Variants in PIRT observed in about 807,000 individuals in gnomAD.
PIRT encodes phosphoinositide interacting regulator of transient receptor potential channels.
Under a neutral mutation model 7.9 loss-of-function variants are expected in PIRT, and 6 were observed. The observed-to-expected ratio is 0.76, with a 90% CI of 0.42 to 1.51. The LOEUF (loss-of-function observed/expected upper bound fraction) is 1.51, where lower values mean the gene tolerates loss of function less well. PIRT is among the 40% of genes most tolerant of loss of function. The pLI, the probability that PIRT is intolerant of heterozygous loss-of-function variation, is 0.01. For synonymous variants in PIRT, 78 were observed against 71.8 expected (o/e 1.09, Z -0.44); for missense variants, 170 against 172.9 (o/e 0.98, Z 0.09).
chr17:10,829,362 T>G (rs1035664785), intron 1 of PIRT, among the ~76,000 whole-genome samples: 1 of 152,108 alleles, frequency 6.6e-6, no homozygotes, highest in Non-Finnish European at 1.5e-5. Flanking sequence ...GAACAGGAAG[T>G]GTTGAACTGG....
In PIRT at chr17:10,826,838, G is replaced by A. The variant is rs1015709560; in HGVS notation, c.-138-1055C>T. Among the ~76,000 whole-genome samples, 6 of 151,622 alleles carry A rather than the reference G, an allele frequency of 4.0e-5. No homozygotes were observed. In the East Asian group the frequency reaches 1.2e-3, roughly 30 times the overall value. On this transcript the variant is annotated intron_variant, in intron 1 of 1. Transcript: ENST00000580256. ...ACCTTCTTTTTTTTTTTGAGATGGA[G>A]TTTCACTCTTGTTGCCCAGGCAGGA...
At chr17:10,834,422 A>G (rs1905534888) in intron 1 of PIRT, among the ~76,000 whole-genome samples, 1 of 152,172 alleles carries the variant, frequency 6.6e-6, no homozygotes, top group African/African-American at 2.4e-5. Flanking sequence ...CTAAGAACTA[A>G]TTAAGGTGGC....
At chr17:10,825,842 G>T (rs1350632287) in intron 1 of PIRT, 59 bp from the exon 2 acceptor site, 2 of 452,944 alleles carry the variant, frequency 4.4e-6, no homozygotes, top group African/African-American at 4.1e-5. Context: ...ACCCAAGCTG[G>T]TATAATTTTT....
intron 1 of PIRT, among the ~76,000 whole-genome samples, chr17:10,833,753 CA>C (rs549183822): frequency 7.0e-4 from 96 of 137,424 alleles, no homozygotes; most frequent in Admixed American, 5.9e-4. Context: ...GATTCCATCT[CA>C]AAAAAAAAAA....
chr17:10,831,181 G>A (rs1046550605), intron 1 of PIRT, among the ~76,000 whole-genome samples: 32 of 152,172 alleles, frequency 2.1e-4, no homozygotes, highest in African/African-American at 2.4e-5. Context: ...CGGGGACAAG[G>A]TAACACTCAG....
At position 10,824,149 on chromosome 17, in the gene PIRT, T is replaced by C. The variant is rs1262855166; in HGVS notation, c.*1083A>G. On this transcript the variant is annotated 3_prime_UTR_variant, in exon 2 of 2. Coordinates refer to ENST00000580256, the MANE Select transcript of PIRT (RefSeq NM_001101387.2). ...TCGCCAGTTGGCTTGGCTGCCTCTC[T>C]CACCTCGGGAAGCAAGAAGACATCA... 6.6e-6 allele frequency: 1 copy of C among 152,270 alleles called. No individual in the cohort carries two copies. The highest frequency in any genetic ancestry group is 2.4e-5 in the African/African-American group (1 of 41,466). The allele number at this position is 152,270 out of a possible 1,614,324, so 9.4% of individuals were successfully genotyped here.
intron 1 of PIRT, among the ~76,000 whole-genome samples, chr17:10,834,487 A>G (rs191117504): frequency 2.0e-3 from 309 of 152,302 alleles, no homozygotes; most frequent in Non-Finnish European, 3.6e-3. Context: ...AATATACACG[A>G]GGAAATTTCC....
chr17:10,836,427 A>G (rs1344328779), intron 1 of PIRT, among the ~76,000 whole-genome samples: 1 of 152,206 alleles, frequency 6.6e-6, no homozygotes, highest in Admixed American at 6.5e-5. Context: ...CAAGGTGTCC[A>G]GTTACAGTTC....
At chr17:10,833,069 A>T (rs1008823694) in intron 1 of PIRT, among the ~76,000 whole-genome samples, 1 of 152,224 alleles carries the variant, frequency 6.6e-6, no homozygotes, top group Non-Finnish European at 1.5e-5. Flanking sequence ...GGTGGAAAAA[A>T]CACAGAGGAC....
Position 10,825,234 on chromosome 17 carries a change from A to G in PIRT, c.412T>C (p.Ter138ArgextTer64), listed in dbSNP as rs1358293217. The stretch of plus-strand genomic sequence containing the variant: ...GCAGGGAGATGCGGAAACCACCATC[A>G]GCGAGTCAGGAAGAAGGACTTGAGG... ...RSLKSFFLTR[*>R] Residue 138 changes from the stop codon to arginine, a stop_lost, in exon 2 of 2, where the codon TGA becomes CGA. Transcript: ENST00000580256. 1.2e-6 allele frequency: 2 copies of G among 1,613,132 alleles called. No homozygotes were observed. The highest frequency in any genetic ancestry group is 1.7e-6 in the Non-Finnish European group (2 of 1,179,314).
At chr17:10,831,532 G>A (rs557559953) in intron 1 of PIRT, among the ~76,000 whole-genome samples, 1 of 152,238 alleles carries the variant, frequency 6.6e-6, no homozygotes. Context: ...ACAAACCAAG[G>A]CATGCCAAGG....
In PIRT at chr17:10,825,540, T is replaced by C. The variant is rs1488938312; in HGVS notation, c.106A>G (p.Arg36Gly). ...QTASSLCISS[R>G]SESVWTTTPR... ...GTGGTGGTCCAGACAGACTCGCTCC[T>C]GGAGCTGATGCACAGGGAGCTGGCG... Residue 36 changes from arginine (R) to glycine (G), a missense_variant, in exon 2 of 2, where the codon AGG becomes GGG. Arg to Gly is a moderately radical substitution (Grantham distance 125). Transcript: ENST00000580256. The C allele has an allele frequency of 6.2e-7, 1 of 1,610,522 alleles. No individual in the cohort carries two copies. Among genetic ancestry groups the C allele is most frequent in the Admixed American group, 1.7e-5 (1 of 59,516 alleles).
At position 10,829,079 on chromosome 17, in the gene PIRT, A is replaced by C. The variant is rs1905403253; in HGVS notation, c.-138-3296T>G. Among the ~76,000 whole-genome samples the C allele has an allele frequency of 2.0e-5, 3 of 152,236 alleles. No individual in the cohort carries two copies. The South Asian group carries it at 6.2e-4, about 32-fold the overall frequency. On this transcript the variant is annotated intron_variant, in intron 1 of 1. Transcript: ENST00000580256. ...GGCTTGGGGGTAGGGATGGGTTCAT[A>C]AAGCTGTTAGGAGACCTTGTGCTGC...
chr17:10,827,845 A>G (rs1905370721), intron 1 of PIRT, among the ~76,000 whole-genome samples: 1 of 152,136 alleles, frequency 6.6e-6, no homozygotes, highest in African/African-American at 2.4e-5. Context: ...TTACAACAAG[A>G]TAATAAGATG....
At chr17:10,832,173 T>C (rs1905477599) in intron 1 of PIRT, among the ~76,000 whole-genome samples, 1 of 152,142 alleles carries the variant, frequency 6.6e-6, no homozygotes, top group Non-Finnish European at 1.5e-5. Flanking sequence ...ATGGGGACTT[T>C]TGAGGTGCTG....
chr17:10,830,539 CT>C (rs1905441183), intron 1 of PIRT, among the ~76,000 whole-genome samples: 1 of 152,160 alleles, frequency 6.6e-6, no homozygotes, highest in Non-Finnish European at 1.5e-5. Flanking sequence ...AATAACACTG[CT>C]ATATTGTCTG....
rs889374401 is a variant in PIRT at position 10,823,004 on chromosome 17, A to G, written c.*2228T>C. 7 of 152,144 alleles carry G rather than the reference A, an allele frequency of 4.6e-5. No homozygotes were observed. The highest frequency in any genetic ancestry group is 8.8e-5 in the Non-Finnish European group (6 of 68,018). The allele number at this position is 152,144 out of a possible 1,614,324, so 9.4% of individuals were successfully genotyped here. Reference sequence around the variant, plus strand: ...GTATCCAAATGGGCCCTCCTCATATAGCTGTGCCCAGGCTACAATCTCCTG... The same window carrying G: ...GTATCCAAATGGGCCCTCCTCATATGGCTGTGCCCAGGCTACAATCTCCTG... On this transcript the variant is annotated 3_prime_UTR_variant, in exon 2 of 2. Coordinates refer to ENST00000580256, the MANE Select transcript of PIRT (RefSeq NM_001101387.2).
intron 1 of PIRT, among the ~76,000 whole-genome samples, chr17:10,827,891 G>T (rs912431600): frequency 1.3e-5 from 2 of 152,190 alleles, no homozygotes; most frequent in Admixed American, 6.5e-5. Context: ...CTGAGGATAG[G>T]TTCTGTTTGA....
chr17:10,835,441 C>T (rs1304210167), intron 1 of PIRT, among the ~76,000 whole-genome samples: 1 of 152,244 alleles, frequency 6.6e-6, no homozygotes, highest in African/African-American at 2.4e-5. Flanking sequence ...AGATGACTCA[C>T]AGATGAGGAG....
Sources: allele counts gnomAD v4.1 joint callset (sites outside exome capture counted in the v4.1 genomes callset), GRCh38; gene constraint gnomAD v4.1.1; transcripts MANE v1.5; gene names NCBI Gene and HGNC (gene_info 2026-07-23, HGNC 2026-07-21).